The following ETV5 variants were observed in gnomAD, a reference collection of about 807,000 sequenced individuals.
ETV5 encodes ETS variant transcription factor 5.
Under a neutral mutation model 70.0 loss-of-function variants are expected in ETV5, and 10 were observed. The ratio of observed to expected loss-of-function variants is 0.14; its 90% CI spans 0.09 to 0.24. The LOEUF (loss-of-function observed/expected upper bound fraction) is 0.24. Among genes scored for constraint, ETV5 ranks in the 10% least tolerant of loss-of-function variants. The probability of loss-of-function intolerance (pLI) is 1.00; values close to 1 mark genes in which losing one functional copy is unlikely to be tolerated. For synonymous variants in ETV5, 216 were observed against 242.2 expected (o/e 0.89, Z 1.01); for missense variants, 453 against 651.2 (o/e 0.70, Z 3.31).
Position 186,052,762 on chromosome 3 carries a change from A to G in ETV5, c.1210-631T>C, listed in dbSNP as rs1713063876. Among the ~76,000 whole-genome samples the G allele has an allele frequency of 6.6e-6, 1 of 152,190 alleles. No individual in the cohort carries two copies. The highest frequency in any genetic ancestry group is 1.5e-5 in the Non-Finnish European group (1 of 68,038). ...ATGAAAAATTAACAGGGCTTTCCAA[A>G]CAGTTCTGAAATGCATTATATCCAA... On this transcript the variant is annotated intron_variant, in intron 11 of 12. Coordinates refer to ENST00000306376, the MANE Select transcript of ETV5 (RefSeq NM_004454.3). This position sits in a 1 kb window ranked among gnomAD's most constrained non-coding sequence, Gnocchi z 4.5.
chr3:186,089,525 A>T (rs1464078230), intron 5 of ETV5, among the ~76,000 whole-genome samples: 1 of 152,196 alleles, frequency 6.6e-6, no homozygotes, highest in African/African-American at 2.4e-5. Flanking sequence ...AATTATCTCC[A>T]TCTGTGTCAC....
chr3:186,065,528 C>G (rs189616533), intron 8 of ETV5, among the ~76,000 whole-genome samples: 108 of 152,196 alleles, frequency 7.1e-4, no homozygotes, highest in Middle Eastern at 3.4e-3. Context: ...AAAACTGAAC[C>G]CCAACACTCT....
intron 5 of ETV5, among the ~76,000 whole-genome samples, chr3:186,085,986 C>G (rs1714048633): frequency 6.6e-6 from 1 of 152,134 alleles, no homozygotes; most frequent in Admixed American, 6.5e-5. Context: ...GCACTGCAGC[C>G]ATGGATGCCA....
chr3:186,062,215 G>A (rs575571930), intron 9 of ETV5, among the ~76,000 whole-genome samples: 27 of 152,334 alleles, frequency 1.8e-4, no homozygotes, highest in African/African-American at 6.5e-4. Flanking sequence ...AGATGACATT[G>A]GCTGTGAAAT....
intron 5 of ETV5, among the ~76,000 whole-genome samples, chr3:186,101,011 C>T (rs1714440844): frequency 6.6e-6 from 1 of 152,180 alleles, no homozygotes; most frequent in Non-Finnish European, 1.5e-5. Context: ...AACACATCAC[C>T]TTACCCCGAC....
chr3:186,064,814 C>T (rs1226172069), intron 8 of ETV5, among the ~76,000 whole-genome samples: 1 of 152,212 alleles, frequency 6.6e-6, no homozygotes, highest in East Asian at 1.9e-4. Flanking sequence ...AAAGGCCAAG[C>T]CTGGCCTCTT....
intron 1 of ETV5, 108 bp downstream of exon 1, chr3:186,108,832 A>C (rs1714665963): frequency 1.2e-5 from 3 of 248,512 alleles, no homozygotes; most frequent in African/African-American, 7.1e-5. Context: ...CTGCACCCCG[A>C]CTTTGAAGAT....
At chr3:186,067,925 A>G (rs1713491513) in intron 7 of ETV5, among the ~76,000 whole-genome samples, 1 of 152,272 alleles carries the variant, frequency 6.6e-6, no homozygotes, top group Non-Finnish European at 1.5e-5. Flanking sequence ...AGAAATTAAC[A>G]AAAGATGAAT....
intron 1 of ETV5, chr3:186,108,508 T>G: frequency 7.8e-7 from 1 of 1,285,590 alleles, no homozygotes. Context: ...CTCTCAGACA[T>G]TCCCCTCAAA....
At chr3:186,081,263 C>G in intron 5 of ETV5, 88 bp from the exon 6 acceptor site, 1 of 1,350,872 alleles carries the variant, frequency 7.4e-7, no homozygotes, top group Non-Finnish European at 9.9e-7. Context: ...AACCTTCTAA[C>G]TAGCTGATTG....
chr3:186,059,113 C>G (rs986954417), intron 9 of ETV5, among the ~76,000 whole-genome samples: 10 of 152,008 alleles, frequency 6.6e-5, no homozygotes, highest in Non-Finnish European at 1.5e-4. Context: ...TTTGTTTCTT[C>G]AGTCAACCCA....
chr3:186,072,694 T>C (rs1014463459), intron 7 of ETV5, among the ~76,000 whole-genome samples: 1 of 152,152 alleles, frequency 6.6e-6, no homozygotes, highest in Admixed American at 6.5e-5. Context: ...TGAGAAGACA[T>C]TGAGAGATAA....
rs1213249561 is a variant in ETV5 at position 186,080,116 on chromosome 3, A to C, written c.363-12T>G. On this transcript the variant is annotated splice_polypyrimidine_tract_variant and intron_variant, in intron 6 of 12. Coordinates refer to ENST00000306376, the MANE Select transcript of ETV5 (RefSeq NM_004454.3). Reference sequence around the variant, plus strand: ...TCCTATCATAGGCACTGTAAACAGAAAAAGAGAAGGAACCATTAAGCTGAA... The same window carrying C: ...TCCTATCATAGGCACTGTAAACAGACAAAGAGAAGGAACCATTAAGCTGAA... The C allele has an allele frequency of 1.4e-6, 2 of 1,460,240 alleles. No individual in the cohort carries two copies. The highest frequency in any genetic ancestry group is 5.3e-5 in the East Asian group (2 of 38,046). 90.5% of individuals were successfully genotyped at this position (1,460,240 alleles called of 1,614,324 possible). A position where few individuals can be genotyped will look rare whatever the true frequency, so the allele number is the denominator to read the frequency against.
intron 9 of ETV5, among the ~76,000 whole-genome samples, chr3:186,063,422 T>A (rs898212043): frequency 6.6e-6 from 1 of 152,216 alleles, no homozygotes; most frequent in African/African-American, 2.4e-5. Context: ...AATTAGTAGG[T>A]CAGCACTAAT....
chr3:186,082,698 C>T (rs573352937), intron 5 of ETV5, among the ~76,000 whole-genome samples: 3 of 152,308 alleles, frequency 2.0e-5, no homozygotes, highest in Admixed American at 6.5e-5. Context: ...GGATTACAGG[C>T]GTGAGCCACC....
rs1714558820 is a variant in ETV5, at chr3:186,105,204, G to GCA, written c.232+100_232+101insTG. 2.1e-6 allele frequency: 2 copies of GCA among 942,928 alleles called. No homozygotes were observed. The highest frequency in any genetic ancestry group is 3.3e-5 in the African/African-American group (2 of 60,216). 58.4% of individuals were successfully genotyped at this position (942,928 alleles called of 1,614,324 possible). ...TAGAAGAAACTAAATGCATACTACT[G>GCA]TCTAAATCTGGCCATAGCTGAAAAA... On this transcript the variant is annotated intron_variant, in intron 5 of 12. Coordinates refer to ENST00000306376, the MANE Select transcript of ETV5 (RefSeq NM_004454.3). The surrounding 1 kb of genome is among the most constrained non-coding windows in gnomAD (Gnocchi z 4.5).
In ETV5 at chr3:186,057,573, G is replaced by A; in HGVS notation, c.971-82C>T. The A allele has an allele frequency of 8.5e-7, 1 of 1,174,520 alleles. No individual in the cohort carries two copies. The highest frequency in any genetic ancestry group is 1.2e-5 in the South Asian group (1 of 80,962). The allele number at this position is 1,174,520 out of a possible 1,614,324, so 72.8% of individuals were successfully genotyped here. Reference sequence around the variant, plus strand: ...AAACTATGGATTTAAGGACTAGAGTGCAATCCTATCATTTCAGATCCTAAG... The same window carrying A: ...AAACTATGGATTTAAGGACTAGAGTACAATCCTATCATTTCAGATCCTAAG... On this transcript the variant is annotated intron_variant, in intron 9 of 12. Transcript: ENST00000306376. The surrounding 1 kb of genome is among the most constrained non-coding windows in gnomAD (Gnocchi z 4.9).
At chr3:186,092,618 G>C (rs1395623143) in intron 5 of ETV5, among the ~76,000 whole-genome samples, 2 of 150,804 alleles carry the variant, frequency 1.3e-5, no homozygotes, top group African/African-American at 2.4e-5. Flanking sequence ...TTTTTTTAAA[G>C]AGACGGGGTC....
At chr3:186,074,609 A>G (rs151103029) in intron 7 of ETV5, among the ~76,000 whole-genome samples, 1 of 152,310 alleles carries the variant, frequency 6.6e-6, no homozygotes, top group Non-Finnish European at 1.5e-5. Context: ...TGTACAAAAT[A>G]TAATACAGAA....
Sources: gnomAD v4.1 joint callset for allele counts (sites outside exome capture counted in the v4.1 genomes callset) on GRCh38, gnomAD v4.1.1 for gene constraint, Gnocchi (gnomAD v3.1) non-coding constraint, MANE v1.5 for transcripts, NCBI Gene and HGNC (gene_info 2026-07-23, HGNC 2026-07-21) for gene names.